The following SNTG2 variants were observed in gnomAD, a reference collection of about 807,000 sequenced individuals.
SNTG2 encodes gamma-2-syntrophin.
Under a neutral mutation model 70.9 loss-of-function variants are expected in SNTG2, and 74 were observed. The observed-to-expected ratio is 1.04, with a 90% confidence interval of 0.86 to 1.27. SNTG2 has a LOEUF of 1.27. SNTG2 is among the 50% of genes most tolerant of loss of function. SNTG2 has a pLI of 0.00. For missense variants in SNTG2, 717 were observed against 690.7 expected (o/e 1.04, Z -0.43); for synonymous variants, 278 against 273.8 (o/e 1.02, Z -0.15).
At chr2:1,214,239 A>G (rs1674230035) in intron 9 of SNTG2, among the ~76,000 whole-genome samples, 1 of 152,144 alleles carries the variant, frequency 6.6e-6, no homozygotes, top group African/African-American at 2.4e-5. Context: ...AGAGTGTTTT[A>G]TGGTTCCATA....
chr2:1,069,483 G>T lies in SNTG2; in HGVS notation c.73-14035G>T, dbSNP rs987273287. 1.0e-4 allele frequency among the ~76,000 whole-genome samples: 14 copies of T among 140,378 alleles called. No homozygotes were observed. The East Asian group carries it at 1.8e-3, about 18-fold the overall frequency. 92.1% of individuals were successfully genotyped at this position (140,378 alleles called of 152,430 possible). A position where few individuals can be genotyped will look rare whatever the true frequency, so the allele number is the denominator to read the frequency against. On this transcript the variant is annotated intron_variant, in intron 1 of 16. Transcript: ENST00000308624. The stretch of plus-strand genomic sequence containing the variant: ...AACAGGGAAAGAAAATATCCACTGA[G>T]GCTAGGAAAAAAAAAAAAACAAAAA...
intron 9 of SNTG2, among the ~76,000 whole-genome samples, chr2:1,225,580 A>G (rs1053509432): frequency 6.6e-6 from 1 of 152,148 alleles, no homozygotes; most frequent in East Asian, 1.9e-4. Flanking sequence ...TCCGTAGCTT[A>G]CGGTTGGCAG....
chr2:980,695 T>TACACAC (rs10648703), intron 1 of SNTG2, among the ~76,000 whole-genome samples: 8,881 of 150,032 alleles, frequency 0.059, 384 homozygotes, highest in African/African-American at 0.11. Context: ...TAGACACATG[T>TACACAC]ACACACACAC....
intron 1 of SNTG2, among the ~76,000 whole-genome samples, chr2:1,034,166 TTGTGTTCA>T (rs138878452): frequency 0.021 from 3,154 of 152,206 alleles, 116 homozygotes; most frequent in African/African-American, 0.072. Flanking sequence ...CCCAGTGTCT[TTGTGTTCA>T]TGTGTTCTCA....
At chr2:1,184,768 A>G (rs900731596) in intron 8 of SNTG2, among the ~76,000 whole-genome samples, 3 of 152,174 alleles carry the variant, frequency 2.0e-5, no homozygotes, top group Non-Finnish European at 4.4e-5. Context: ...GGGGATTACA[A>G]TTCAACATGA....
intron 8 of SNTG2, among the ~76,000 whole-genome samples, chr2:1,185,260 C>A (rs975494029): frequency 2.6e-5 from 4 of 152,226 alleles, no homozygotes; most frequent in Non-Finnish European, 5.9e-5. Context: ...CCTATTACTG[C>A]TCTCAAAGAC....
intron 8 of SNTG2, among the ~76,000 whole-genome samples, chr2:1,176,098 C>T (rs1450146054): frequency 6.6e-6 from 1 of 152,160 alleles, no homozygotes; most frequent in Non-Finnish European, 1.5e-5. Context: ...CATCCTCATC[C>T]TCCTTATCAG....
chr2:1,027,481 G>C (rs989861392), intron 1 of SNTG2, among the ~76,000 whole-genome samples: 5 of 149,572 alleles, frequency 3.3e-5, no homozygotes, highest in African/African-American at 1.2e-4. Context: ...GTTGAGTAAA[G>C]AGATAAGCAG....
At chr2:1,122,400 T>C (rs1418403927) in intron 4 of SNTG2, among the ~76,000 whole-genome samples, 1 of 152,148 alleles carries the variant, frequency 6.6e-6, no homozygotes, top group African/African-American at 2.4e-5. Flanking sequence ...ATTAGAAAGA[T>C]TACATGTCAT....
intron 1 of SNTG2, among the ~76,000 whole-genome samples, chr2:971,935 A>T (rs1660758915): frequency 6.6e-6 from 1 of 152,076 alleles, no homozygotes; most frequent in Non-Finnish European, 1.5e-5. Flanking sequence ...ATTCAGGAGC[A>T]GGTTGTTTAA....
chr2:1,208,130 C>T (rs907715156), intron 8 of SNTG2, among the ~76,000 whole-genome samples: 2 of 152,160 alleles, frequency 1.3e-5, no homozygotes, highest in Non-Finnish European at 2.9e-5. Context: ...CCACAGAGCC[C>T]GGAGCTCAGG....
intron 1 of SNTG2, among the ~76,000 whole-genome samples, chr2:987,238 A>G (rs537239665): frequency 6.6e-6 from 1 of 152,318 alleles, no homozygotes; most frequent in East Asian, 1.9e-4. Flanking sequence ...AGGACTGAGA[A>G]GGAGAGGTGA....
chr2:1,219,930 C>G (rs1674641537), intron 9 of SNTG2: 1 of 152,164 alleles, frequency 6.6e-6, no homozygotes, highest in African/African-American at 2.4e-5. Flanking sequence ...CTATAGTAGT[C>G]ATAATGGAAA....
intron 2 of SNTG2, among the ~76,000 whole-genome samples, chr2:1,089,160 ATC>A (rs1173760241): frequency 6.6e-6 from 1 of 152,210 alleles, no homozygotes; most frequent in Non-Finnish European, 1.5e-5. Context: ...TCTAGAATTT[ATC>A]TGTCATCACT....
intron 2 of SNTG2, among the ~76,000 whole-genome samples, chr2:1,084,480 C>T (rs146317990): frequency 6.6e-6 from 1 of 152,180 alleles, no homozygotes; most frequent in East Asian, 1.9e-4. Flanking sequence ...TCCTGCTCCC[C>T]AACATGTCCC....
chr2:1,071,995 G>A (rs1042248610), intron 1 of SNTG2, among the ~76,000 whole-genome samples: 3 of 152,180 alleles, frequency 2.0e-5, no homozygotes, highest in South Asian at 2.1e-4. Flanking sequence ...GGAAGCTAGC[G>A]GAGGTGGGTT....
intron 4 of SNTG2, among the ~76,000 whole-genome samples, chr2:1,124,319 G>GTTTTTTTATGT (rs1667569400): frequency 1.0e-5 from 1 of 99,788 alleles, no homozygotes; most frequent in Non-Finnish European, 1.9e-5. Context: ...TTCTCAGACA[G>GTTTTTTTATGT]AGGCTTGCTT....
chr2:1,365,165 T>C (rs966676341), intron 16 of SNTG2, among the ~76,000 whole-genome samples: 37 of 152,110 alleles, frequency 2.4e-4, no homozygotes, highest in Non-Finnish European at 4.1e-4. Flanking sequence ...TTGGGTATGA[T>C]TGGCGAATCC....
intron 8 of SNTG2, among the ~76,000 whole-genome samples, chr2:1,205,832 CTG>C (rs1316741112): frequency 6.6e-6 from 1 of 152,166 alleles, no homozygotes; most frequent in African/African-American, 2.4e-5. Flanking sequence ...CTTATAATAA[CTG>C]TGGCATCTCA....
Sources: gnomAD v4.1 joint callset for allele counts (sites outside exome capture counted in the v4.1 genomes callset) on GRCh38, gnomAD v4.1.1 for gene constraint, MANE v1.5 for transcripts, NCBI Gene and HGNC (gene_info 2026-07-23, HGNC 2026-07-21) for gene names.